FCHO2: variants seen among roughly 807,000 people sequenced by gnomAD.
The protein encoded by FCHO2 is FCH and mu domain containing endocytic adaptor 2.
Under a neutral mutation model 114.1 loss-of-function variants are expected in FCHO2, and 43 were observed. The ratio of observed to expected loss-of-function variants is 0.38; its 90% CI spans 0.30 to 0.49. The LOEUF is 0.49. Ranked by LOEUF, FCHO2 falls within the 20% of genes least tolerant of loss-of-function variation. The probability of loss-of-function intolerance (pLI) is 0.97; values close to 1 mark genes in which losing one functional copy is unlikely to be tolerated. For missense variants in FCHO2, 807 were observed against 950.4 expected, an observed-to-expected ratio of 0.85 and a Z score of 1.98; for synonymous variants, 293 against 315.2, an observed-to-expected ratio of 0.93 and a Z score of 0.75.
chr5:73,009,837 C>G (rs1029911506), intron 6 of FCHO2, among the ~76,000 whole-genome samples: 9 of 152,286 alleles, frequency 5.9e-5, no homozygotes, highest in East Asian at 1.9e-4. Context: ...CCAGCCCATT[C>G]TGCCCTTTTT....
intron 12 of FCHO2, among the ~76,000 whole-genome samples, chr5:73,051,937 T>G (rs1169785419): frequency 6.6e-6 from 1 of 152,010 alleles, no homozygotes; most frequent in African/African-American, 2.4e-5. Flanking sequence ...CTCTTTGGTT[T>G]TTTTGAGATG....
intron 5 of FCHO2, among the ~76,000 whole-genome samples, chr5:72,998,701 T>TAGTATG (rs1255900099): frequency 6.6e-6 from 1 of 150,884 alleles, no homozygotes; most frequent in East Asian, 1.9e-4. Flanking sequence ...CCATAGTACC[T>TAGTATG]AGTATGCCGT....
chr5:73,054,499 G>T lies in FCHO2; in HGVS notation c.1186-26G>T, dbSNP rs771931200. ...AATTATCAAATTCATTTGTTTTATG[G>T]TACCTATTTTGCATCTCTGTTTTAG... On this transcript the variant is annotated intron_variant, in intron 14 of 25. Coordinates refer to ENST00000430046, the MANE Select transcript of FCHO2 (RefSeq NM_138782.3). 1.6e-4 allele frequency: 238 copies of T among 1,526,168 alleles called. No individual in the cohort carries two copies. The Middle Eastern group carries it at 3.9e-3, about 25-fold the overall frequency. 94.5% of individuals were successfully genotyped at this position (1,526,168 alleles called of 1,614,324 possible). A position where few individuals can be genotyped will look rare whatever the true frequency, so the allele number is the denominator to read the frequency against.
At chr5:73,052,589 C>CAATT (rs1367313982) in intron 13 of FCHO2, 82 bp downstream of exon 13, 2 of 1,098,148 alleles carry the variant, frequency 1.8e-6, no homozygotes, top group East Asian at 5.4e-5. Flanking sequence ...CATTACTTAG[C>CAATT]AATTGTTAAG....
chr5:72,957,102 G>A (rs528828994), intron 1 of FCHO2, among the ~76,000 whole-genome samples: 1 of 152,278 alleles, frequency 6.6e-6, no homozygotes, highest in South Asian at 2.1e-4. Flanking sequence ...AGTGCCTCAA[G>A]CATGGTCTTG....
chr5:72,957,398 GGC>G (rs773849101), intron 1 of FCHO2, among the ~76,000 whole-genome samples: 18 of 152,176 alleles, frequency 1.2e-4, no homozygotes, highest in Middle Eastern at 6.8e-3. Flanking sequence ...CCCTGCCCCA[GGC>G]CTAGGCAACT....
intron 25 of FCHO2, 58 bp from the exon 26 acceptor site, chr5:73,088,010 A>G (rs1743369332): frequency 6.2e-7 from 1 of 1,606,774 alleles, no homozygotes; most frequent in African/African-American, 1.3e-5. Context: ...CACAGTGGAA[A>G]ATGTCCTTAG....
In FCHO2 at chr5:73,089,425, AT is replaced by A. The variant is rs1437158254; in HGVS notation, c.*1339del. On this transcript the variant is annotated 3_prime_UTR_variant, in exon 26 of 26. Transcript: ENST00000430046. ...AATTGGAAAAATTACCAATTTGTAC[AT>A]TTTAATTATTCAATTTCTACTTTGT... is the stretch of plus-strand genomic sequence containing the variant. 3 of 152,136 alleles carry A rather than the reference AT, an allele frequency of 2.0e-5. No individual in the cohort carries two copies. The highest frequency in any genetic ancestry group is 4.4e-5 in the Non-Finnish European group (3 of 67,964). The allele number at this position is 152,136 out of a possible 1,614,324, so 9.4% of individuals were successfully genotyped here. A position where few individuals can be genotyped will look rare whatever the true frequency, so the allele number is the denominator to read the frequency against.
At chr5:72,986,201 T>C (rs1226978254) in intron 2 of FCHO2, among the ~76,000 whole-genome samples, 3 of 151,864 alleles carry the variant, frequency 2.0e-5, no homozygotes, top group Admixed American at 1.3e-4. Context: ...CAAGGAGATA[T>C]TAATTTTGGT....
intron 1 of FCHO2, among the ~76,000 whole-genome samples, chr5:72,960,345 T>C (rs1267062749): frequency 6.6e-6 from 1 of 152,204 alleles, no homozygotes; most frequent in Non-Finnish European, 1.5e-5. Flanking sequence ...AGAACAGGTG[T>C]TTTGTTATTG....
At chr5:72,969,619 A>G (rs1752403108) in intron 2 of FCHO2, among the ~76,000 whole-genome samples, 1 of 152,270 alleles carries the variant, frequency 6.6e-6, no homozygotes, top group Middle Eastern at 3.4e-3. Flanking sequence ...TGCAACCATC[A>G]GGGCAGATAT....
At chr5:73,005,190 G>T (rs1754652541) in intron 5 of FCHO2, among the ~76,000 whole-genome samples, 1 of 152,162 alleles carries the variant, frequency 6.6e-6, no homozygotes, top group South Asian at 2.1e-4. Flanking sequence ...TGTTTAGGGA[G>T]TAGGACTATA....
At chr5:72,961,200 G>A (rs746773013) in intron 1 of FCHO2, among the ~76,000 whole-genome samples, 1 of 151,966 alleles carries the variant, frequency 6.6e-6, no homozygotes, top group Non-Finnish European at 1.5e-5. Context: ...AGGTCTTTGG[G>A]ATAAAAAACA....
chr5:73,041,430 T>G (rs933737750), intron 11 of FCHO2, 115 bp downstream of exon 11: 10 of 589,656 alleles, frequency 1.7e-5, no homozygotes, highest in Non-Finnish European at 2.9e-5. Context: ...ACCATCATAT[T>G]GTAAATTCAC....
intron 17 of FCHO2, among the ~76,000 whole-genome samples, chr5:73,062,581 C>A (rs1267381283): frequency 2.0e-5 from 3 of 152,044 alleles, no homozygotes; most frequent in Non-Finnish European, 2.9e-5. Flanking sequence ...AGAACTGGTA[C>A]TGACTGGAAA....
intron 20 of FCHO2, among the ~76,000 whole-genome samples, chr5:73,076,043 AGAT>A (rs1742894770): frequency 6.6e-6 from 1 of 152,186 alleles, no homozygotes; most frequent in Non-Finnish European, 1.5e-5. Flanking sequence ...GAAAACAGGA[AGAT>A]GAGAATGATT....
Position 73,045,944 on chromosome 5 carries a change from C to T in FCHO2, c.939+4629C>T, listed in dbSNP as rs185929544. Reference sequence around the variant, plus strand: ...TTGCCTTTCTGTAGGTTATTTGAATCCTTTTTTAGAATTACATTGTGACTT... The same window carrying T: ...TTGCCTTTCTGTAGGTTATTTGAATTCTTTTTTAGAATTACATTGTGACTT... On this transcript the variant is annotated intron_variant, in intron 11 of 25. Coordinates refer to ENST00000430046, the MANE Select transcript of FCHO2 (RefSeq NM_138782.3). Among the ~76,000 whole-genome samples the T allele has an allele frequency of 2.4e-4, 36 of 152,204 alleles. No individual in the cohort carries two copies. The East Asian group carries it at 6.6e-3, about 28-fold the overall frequency.
intron 2 of FCHO2, among the ~76,000 whole-genome samples, chr5:72,981,089 T>A (rs985888448): frequency 1.3e-5 from 2 of 152,224 alleles, no homozygotes; most frequent in African/African-American, 4.8e-5. Flanking sequence ...TGTTGGTTGT[T>A]TCTTTCCATG....
chr5:73,036,576 A>G (rs918564361), intron 9 of FCHO2, among the ~76,000 whole-genome samples: 6 of 151,924 alleles, frequency 3.9e-5, no homozygotes, highest in Non-Finnish European at 5.9e-5. Flanking sequence ...GGGTTTCACC[A>G]TGTTGCCTAG....
Sources: allele counts gnomAD v4.1 joint callset (sites outside exome capture counted in the v4.1 genomes callset), GRCh38; gene constraint gnomAD v4.1.1; transcripts MANE v1.5; gene names NCBI Gene and HGNC (gene_info 2026-07-23, HGNC 2026-07-21).